The following DRC9 variants were observed in gnomAD, a reference collection of about 807,000 sequenced individuals.
DRC9 encodes the protein dynein regulatory complex subunit 9.
chr3:197,935,793 C>T, the DRC9 span, among the ~76,000 whole-genome samples: 1 of 152,028 alleles, frequency 6.6e-6, no homozygotes, highest in African/African-American at 2.4e-5. Flanking sequence ...AGGAAAGTAA[C>T]TTCAACATGA....
At chr3:197,955,978 C>G in the DRC9 span, 4 of 569,770 alleles carry the variant, frequency 7.0e-6, no homozygotes, top group African/African-American at 7.5e-5. Context: ...GGTTTTAATG[C>G]GAGTATCTTT....
chr3:197,952,850 T>G, the DRC9 span, among the ~76,000 whole-genome samples: 19 of 151,720 alleles, frequency 1.3e-4, no homozygotes, highest in African/African-American at 4.6e-4. Flanking sequence ...TTTTTTTTTT[T>G]GAGACAAAGT....
chr3:197,901,638 T>A, the DRC9 span, among the ~76,000 whole-genome samples: 1 of 152,250 alleles, frequency 6.6e-6, no homozygotes, highest in African/African-American at 2.4e-5. This position sits in a 1 kb window ranked among gnomAD's most constrained non-coding sequence, Gnocchi z 4.4. Flanking sequence ...CAGCGGCTCC[T>A]CCGCATGTGG....
At chr3:197,918,048 T>C in the DRC9 span, among the ~76,000 whole-genome samples, 4 of 151,212 alleles carry the variant, frequency 2.6e-5, no homozygotes, top group South Asian at 6.3e-4. Flanking sequence ...TTCTCCTCCT[T>C]CTTCCTCTTC....
the DRC9 span, chr3:197,889,680 C>G: frequency 6.2e-7 from 1 of 1,614,138 alleles, no homozygotes; most frequent in Non-Finnish European, 8.5e-7. Context: ...ACCAATTTCT[C>G]TCCGTATCAT....
At chr3:197,941,752 AG>A in the DRC9 span, among the ~76,000 whole-genome samples, 1 of 151,548 alleles carries the variant, frequency 6.6e-6, no homozygotes, top group African/African-American at 2.4e-5. Context: ...TGGTAGAGAC[AG>A]GGTCTTCTAT....
the DRC9 span, among the ~76,000 whole-genome samples, chr3:197,911,748 T>C: frequency 5.9e-5 from 9 of 152,094 alleles, no homozygotes; most frequent in African/African-American, 1.9e-4. Flanking sequence ...CAAGCGATTC[T>C]ATTGCCTCAG....
chr3:197,931,575 CATTT>C, the DRC9 span, among the ~76,000 whole-genome samples: 1 of 151,962 alleles, frequency 6.6e-6, no homozygotes, highest in Non-Finnish European at 1.5e-5. Flanking sequence ...CCTTGGCATT[CATTT>C]GTTATTGTTC....
At chr3:197,921,035 G>A in the DRC9 span, among the ~76,000 whole-genome samples, 5 of 148,554 alleles carry the variant, frequency 3.4e-5, no homozygotes, top group Non-Finnish European at 7.4e-5. Context: ...CAGTAACTCC[G>A]GGGATTTAAC....
At chr3:197,890,021 A>C in the DRC9 span, among the ~76,000 whole-genome samples, 275 of 152,342 alleles carry the variant, frequency 1.8e-3, no homozygotes, top group Non-Finnish European at 3.2e-3. Flanking sequence ...AGGAAAGTCC[A>C]GGTTCCCCAT....
chr3:197,917,999 T>C, the DRC9 span, among the ~76,000 whole-genome samples: 1 of 151,932 alleles, frequency 6.6e-6, no homozygotes, highest in Non-Finnish European at 1.5e-5. Flanking sequence ...CCTCCCAAAG[T>C]GCTGGGATTA....
the DRC9 span, among the ~76,000 whole-genome samples, chr3:197,899,886 C>T: frequency 1.4e-3 from 220 of 152,288 alleles, 4 homozygotes; most frequent in African/African-American, 4.9e-3. Context: ...GTAGGAAAGA[C>T]GGCTTTGAAT....
At chr3:197,894,552 G>T in the DRC9 span, 1 of 152,158 alleles carries the variant, frequency 6.6e-6, no homozygotes, top group African/African-American at 2.4e-5. Context: ...ACAATACAGA[G>T]ATGATTAGCA....
the DRC9 span, among the ~76,000 whole-genome samples, chr3:197,899,435 AG>A: frequency 1.3e-5 from 2 of 152,204 alleles, no homozygotes; most frequent in African/African-American, 4.8e-5. Flanking sequence ...ACAAAGTAAA[AG>A]TCTAGGCTGG....
the DRC9 span, chr3:197,951,533 A>T: frequency 7.6e-6 from 4 of 526,660 alleles, 1 homozygote; most frequent in Non-Finnish European, 1.4e-5. Context: ...TTGTATTATT[A>T]GTAGAGACAG....
the DRC9 span, among the ~76,000 whole-genome samples, chr3:197,942,690 G>T: frequency 2.0e-5 from 3 of 151,880 alleles, no homozygotes; most frequent in Admixed American, 6.6e-5. Context: ...GGCCGAGGTG[G>T]GCAGATCACC....
the DRC9 span, among the ~76,000 whole-genome samples, chr3:197,896,689 A>T: frequency 6.6e-6 from 1 of 152,162 alleles, no homozygotes; most frequent in Non-Finnish European, 1.5e-5. Context: ...TGCTTCCTAG[A>T]CTGCCATCTC....
At chr3:197,908,164 T>C in the DRC9 span, among the ~76,000 whole-genome samples, 1 of 149,918 alleles carries the variant, frequency 6.7e-6, no homozygotes. Context: ...CAGGGGTGAC[T>C]GTACCAGGTC....
the DRC9 span, among the ~76,000 whole-genome samples, chr3:197,948,661 A>G: frequency 6.6e-6 from 1 of 152,212 alleles, no homozygotes; most frequent in African/African-American, 2.4e-5. Flanking sequence ...GACAGGGAAC[A>G]CTGGGTGGGG....
Sources: gnomAD v4.1 joint callset for allele counts (sites outside exome capture counted in the v4.1 genomes callset) on GRCh38, gnomAD v4.1.1 for gene constraint, Gnocchi (gnomAD v3.1) non-coding constraint, MANE v1.5 for transcripts, NCBI Gene and HGNC (gene_info 2026-07-23, HGNC 2026-07-21) for gene names.